The following PTPN12 variants were observed in gnomAD, a reference collection of about 807,000 sequenced individuals.
The protein encoded by PTPN12 is tyrosine-protein phosphatase non-receptor type 12.
A neutral mutation model predicts 97.6 loss-of-function variants in PTPN12; 29 were observed. The ratio of observed to expected loss-of-function variants is 0.30; its 90% CI spans 0.22 to 0.41. PTPN12 has a LOEUF of 0.41. Among genes scored for constraint, PTPN12 ranks in the 10% least tolerant of loss-of-function variants. PTPN12 has a pLI of 1.00. For missense variants in PTPN12, 819 were observed against 926.0 expected, an observed-to-expected ratio of 0.88 and a Z score of 1.50; for synonymous variants, 327 against 300.4, an observed-to-expected ratio of 1.09 and a Z score of -0.91.
At chr7:77,566,892 A>G (rs979822546) in intron 1 of PTPN12, among the ~76,000 whole-genome samples, 4 of 152,150 alleles carry the variant, frequency 2.6e-5, no homozygotes, top group African/African-American at 9.7e-5. Flanking sequence ...GTAAATGATT[A>G]AAAATTCTTT....
In PTPN12 at chr7:77,627,352, T is replaced by A. The variant is rs144996630; in HGVS notation, c.1673T>A (p.Ile558Asn). The stretch of plus-strand genomic sequence containing the variant: ...TTATCTGAAGGCAATTCCTCAGATA[T>A]CAACTATCAAACTAGGAAAACTGTG... ...PDLSEGNSSD[I>N]NYQTRKTVSL... The change falls in exon 13 of 18, where the codon ATC (isoleucine) becomes AAC (asparagine). Residue 558 changes from isoleucine to asparagine, a missense_variant. Physicochemically the swap from Ile to Asn is moderately radical, Grantham distance 149. This residue lies in a region of PTPN12 where 607 missense variants were observed against 577.3 expected (regional missense o/e 1.05). Coordinates refer to ENST00000248594, the MANE Select transcript of PTPN12 (RefSeq NM_002835.4). 1 of 1,614,034 alleles carries A rather than the reference T, an allele frequency of 6.2e-7. No homozygotes were observed. Among genetic ancestry groups the A allele is most frequent in the Middle Eastern group, 1.7e-4 (1 of 6,060 alleles).
At chr7:77,629,248 C>T (rs1054515490) in intron 13 of PTPN12, among the ~76,000 whole-genome samples, 2 of 152,228 alleles carry the variant, frequency 1.3e-5, no homozygotes, top group African/African-American at 4.8e-5. Flanking sequence ...CACGCCCAGC[C>T]AGGTGACAGT....
intron 1 of PTPN12, among the ~76,000 whole-genome samples, chr7:77,569,544 G>T (rs984407484): frequency 2.6e-5 from 4 of 152,152 alleles, no homozygotes; most frequent in Admixed American, 2.0e-4. Context: ...GCTGAGGCGG[G>T]TGGATCACCT....
intron 14 of PTPN12, among the ~76,000 whole-genome samples, chr7:77,634,825 C>T (rs1789532167): frequency 6.6e-6 from 1 of 152,120 alleles, no homozygotes; most frequent in African/African-American, 2.4e-5. Context: ...TGATCGCCCG[C>T]CTCAGCCTCC....
intron 6 of PTPN12, 84 bp downstream of exon 6, chr7:77,592,340 C>G: frequency 1.7e-6 from 2 of 1,195,142 alleles, no homozygotes; most frequent in South Asian, 2.8e-5. Context: ...GTGGTATGAA[C>G]CCAGGCTTAT....
chr7:77,551,405 T>C (rs1345124113), intron 1 of PTPN12, among the ~76,000 whole-genome samples: 1 of 152,230 alleles, frequency 6.6e-6, no homozygotes, highest in Non-Finnish European at 1.5e-5. Flanking sequence ...TGCAATCATT[T>C]TGGCACCAAC....
Position 77,581,367 on chromosome 7 carries a change from G to A in PTPN12, c.209-60G>A, listed in dbSNP as rs1329291144. The A allele has an allele frequency of 7.1e-6, 8 of 1,134,548 alleles. No homozygotes were observed. The Admixed American group carries it at 1.0e-4, about 14-fold the overall frequency. The allele number at this position is 1,134,548 out of a possible 1,614,324, so 70.3% of individuals were successfully genotyped here. A position where few individuals can be genotyped will look rare whatever the true frequency, so the allele number is the denominator to read the frequency against. On this transcript the variant is annotated intron_variant, in intron 2 of 17. Coordinates refer to ENST00000248594, the MANE Select transcript of PTPN12 (RefSeq NM_002835.4). ...AAGCTGTCTATTTAACCTTACTTACGCTTCATTAGAAAATACCTGTGTGTC... is the reference window on the plus strand; with the variant it reads ...AAGCTGTCTATTTAACCTTACTTACACTTCATTAGAAAATACCTGTGTGTC...
At chr7:77,585,639 TTTATTA>T in intron 5 of PTPN12, 58 bp downstream of exon 5, 5 of 1,438,920 alleles carry the variant, frequency 3.5e-6, no homozygotes, top group African/African-American at 2.8e-5. Context: ...TTCTTAGTCT[TTTATTA>T]TTATAGTCTT....
At chr7:77,596,729 T>A (rs989204361) in intron 6 of PTPN12, among the ~76,000 whole-genome samples, 1 of 152,160 alleles carries the variant, frequency 6.6e-6, no homozygotes, top group African/African-American at 2.4e-5. Context: ...CTATTTTTTT[T>A]AGAGCAGTTT....
intron 1 of PTPN12, among the ~76,000 whole-genome samples, chr7:77,550,626 G>GT (rs1807437548): frequency 1.3e-5 from 2 of 152,210 alleles, no homozygotes; most frequent in African/African-American, 4.8e-5. Flanking sequence ...AATCAGGACT[G>GT]TAAGGTGGAT....
intron 11 of PTPN12, 149 bp from the exon 12 acceptor site, chr7:77,618,331 A>G (rs1260216496): frequency 3.9e-6 from 2 of 517,512 alleles, no homozygotes; most frequent in East Asian, 3.1e-5. Flanking sequence ...AGGCTAAAAT[A>G]TAGAGCCAGA....
chr7:77,613,926 A>AT (rs1788662152), intron 11 of PTPN12, among the ~76,000 whole-genome samples: 1 of 151,828 alleles, frequency 6.6e-6, no homozygotes, highest in Admixed American at 6.6e-5. Flanking sequence ...AGGTCTTGCT[A>AT]TTTCACCCAG....
intron 1 of PTPN12, among the ~76,000 whole-genome samples, chr7:77,564,483 C>T (rs529733603): frequency 1.1e-4 from 17 of 152,090 alleles, no homozygotes; most frequent in Middle Eastern, 3.4e-3. Context: ...TGTCCCAAAC[C>T]TGCTACCGTT....
chr7:77,595,516 A>G (rs1024337587), intron 6 of PTPN12, among the ~76,000 whole-genome samples: 1 of 152,182 alleles, frequency 6.6e-6, no homozygotes, highest in African/African-American at 2.4e-5. Flanking sequence ...CACACTACCC[A>G]TGGCTCAGAT....
chr7:77,608,864 G>A (rs1172343879), intron 9 of PTPN12, among the ~76,000 whole-genome samples: 2 of 152,158 alleles, frequency 1.3e-5, no homozygotes, highest in Non-Finnish European at 2.9e-5. Context: ...GATTAAAATT[G>A]GAATGAGAAG....
rs6962846 is a variant in PTPN12 at position 77,602,066 on chromosome 7, T to A, written c.695+1260T>A. ...ATTCAAATAATATTTGAAGTTCAGT[T>A]AGGTTTTGCAAAATTACTCGTTTGG... On this transcript the variant is annotated intron_variant, in intron 8 of 17. Coordinates refer to ENST00000248594, the MANE Select transcript of PTPN12 (RefSeq NM_002835.4). 7.9e-3 allele frequency among the ~76,000 whole-genome samples: 1,203 copies of A among 152,230 alleles called. 11 individuals are homozygous for A. The highest frequency in any genetic ancestry group is 0.027 in the African/African-American group (1,141 of 41,530).
intron 1 of PTPN12, among the ~76,000 whole-genome samples, chr7:77,544,990 A>G (rs575236873): frequency 6.6e-6 from 1 of 152,364 alleles, no homozygotes; most frequent in Non-Finnish European, 1.5e-5. Context: ...AAGAAAATAC[A>G]AGATAAGAGC....
intron 7 of PTPN12, among the ~76,000 whole-genome samples, chr7:77,600,408 T>G (rs1012577012): frequency 1.3e-5 from 2 of 152,204 alleles, no homozygotes; most frequent in Non-Finnish European, 2.9e-5. Flanking sequence ...TTATTTTATC[T>G]GTATATCTCA....
chr7:77,636,940 C>T (rs1789614163), intron 15 of PTPN12, 78 bp from the exon 16 acceptor site: 2 of 1,123,696 alleles, frequency 1.8e-6, no homozygotes, highest in Admixed American at 4.2e-5. Flanking sequence ...GGGATATATA[C>T]CCATAACAGA....
Sources: gnomAD v4.1 joint callset for allele counts (sites outside exome capture counted in the v4.1 genomes callset) on GRCh38, gnomAD v4.1.1 for gene constraint, gnomAD v4.1.1 regional missense constraint, MANE v1.5 for transcripts, NCBI Gene and HGNC (gene_info 2026-07-23, HGNC 2026-07-21) for gene names.